The following CAPN13 variants were observed in gnomAD, a reference collection of about 807,000 sequenced individuals.
CAPN13 encodes calpain 13.
In CAPN13, 90 loss-of-function variants were observed where a neutral mutation model predicts 98.4. The ratio of observed to expected loss-of-function variants is 0.92; its 90% CI spans 0.77 to 1.09. The LOEUF (loss-of-function observed/expected upper bound fraction) is 1.09, where lower values mean the gene tolerates loss of function less well. CAPN13 is among the 50% of genes least tolerant of loss of function. The probability of loss-of-function intolerance (pLI) is 0.00; values close to 1 mark genes in which losing one functional copy is unlikely to be tolerated. For missense variants in CAPN13, 887 were observed against 841.3 expected (o/e 1.05, Z -0.67); for synonymous variants, 330 against 305.5 (o/e 1.08, Z -0.84).
chr2:30,726,385 A>G (rs9309684), intron 22 of CAPN13, among the ~76,000 whole-genome samples: 66,290 of 152,034 alleles, frequency 0.44, 14,619 homozygotes, highest in East Asian at 0.65. Flanking sequence ...GGTTCTAGCC[A>G]GACAATTAGG....
intron 1 of CAPN13, among the ~76,000 whole-genome samples, chr2:30,790,805 T>C (rs778185990): frequency 1.9e-4 from 29 of 152,124 alleles, no homozygotes; most frequent in Non-Finnish European, 3.8e-4. Context: ...CATAAATGGG[T>C]TAACAACAGG....
At chr2:30,806,555 G>C (rs1675641419) in intron 1 of CAPN13, among the ~76,000 whole-genome samples, 1 of 152,178 alleles carries the variant, frequency 6.6e-6, no homozygotes, top group East Asian at 1.9e-4. Flanking sequence ...GGACAAATGG[G>C]ACAGTCAGTA....
intron 2 of CAPN13, among the ~76,000 whole-genome samples, chr2:30,779,248 A>G (rs935689634): frequency 6.6e-6 from 1 of 152,262 alleles, no homozygotes; most frequent in African/African-American, 2.4e-5. Context: ...AAGCCCATTC[A>G]GACAGACCTG....
chr2:30,755,513 C>A (rs1192510487), intron 8 of CAPN13, among the ~76,000 whole-genome samples: 1 of 152,066 alleles, frequency 6.6e-6, no homozygotes, highest in Non-Finnish European at 1.5e-5. Context: ...TTCGTTGGAA[C>A]GATGTGTTCC....
At chr2:30,770,264 A>G (rs1431619755) in intron 5 of CAPN13, 49 bp downstream of exon 5, 1 of 1,598,496 alleles carries the variant, frequency 6.3e-7, no homozygotes, top group South Asian at 1.1e-5. Context: ...CCGGGTAGGC[A>G]GGACCAGCAC....
At position 30,763,101 on chromosome 2, in the gene CAPN13, G is replaced by A. The variant is rs1672928542; in HGVS notation, c.755C>T (p.Thr252Ile). 6.2e-7 allele frequency: 1 copy of A among 1,610,658 alleles called. No individual in the cohort carries two copies. Among genetic ancestry groups the A allele is most frequent in the Non-Finnish European group, 8.5e-7 (1 of 1,178,604 alleles). ...ENGLVSLHAYTVTGAEQIQYR... is the reference protein window; with the variant it reads ...ENGLVSLHAYIVTGAEQIQYR... ...CCTTACCTGCTCAGCCCCAGTCACAGTGTAGGCATGGAGACTCACCAGCCC... is the reference window on the plus strand; with the variant it reads ...CCTTACCTGCTCAGCCCCAGTCACAATGTAGGCATGGAGACTCACCAGCCC... The change falls in exon 7 of 23, where the codon ACT (threonine) becomes ATT (isoleucine). Residue 252 changes from threonine (T) to isoleucine (I), a missense_variant. Thr to Ile is a moderately conservative substitution (Grantham distance 89). Transcript: ENST00000295055.
At chr2:30,763,845 C>A (rs114375829) in intron 6 of CAPN13, among the ~76,000 whole-genome samples, 542 of 152,328 alleles carry the variant, frequency 3.6e-3, no homozygotes, top group Non-Finnish European at 6.5e-3. Context: ...CAGGCTCTGG[C>A]GCAGCAGCAT....
At chr2:30,750,421 A>C in intron 11 of CAPN13, among the ~76,000 whole-genome samples, 1 of 152,114 alleles carries the variant, frequency 6.6e-6, no homozygotes, top group East Asian at 1.9e-4. Flanking sequence ...ATGTTTACCT[A>C]TGTAAGAAAC....
At chr2:30,747,282 C>T (rs1335389462) in intron 11 of CAPN13, among the ~76,000 whole-genome samples, 7 of 152,152 alleles carry the variant, frequency 4.6e-5, no homozygotes, top group African/African-American at 1.7e-4. Flanking sequence ...GAAACTGAGG[C>T]TCAGCAGTTT....
intron 7 of CAPN13, among the ~76,000 whole-genome samples, chr2:30,761,798 G>T (rs796388441): frequency 4.6e-5 from 7 of 152,272 alleles, no homozygotes; most frequent in African/African-American, 1.7e-4. Context: ...TTGGGACACC[G>T]ATCAAACCAT....
chr2:30,753,697 A>G (rs1244435603), intron 9 of CAPN13, among the ~76,000 whole-genome samples: 7 of 152,164 alleles, frequency 4.6e-5, no homozygotes, highest in African/African-American at 1.7e-4. Context: ...CTGATTCTTA[A>G]TTATTTAGAT....
chr2:30,745,689 A>G (rs368841104), intron 12 of CAPN13, 34 bp downstream of exon 12: 43 of 1,595,420 alleles, frequency 2.7e-5, no homozygotes, highest in Non-Finnish European at 3.3e-5. Context: ...AGACAGCAGC[A>G]GAGGCGCAGG....
chr2:30,779,967 A>G (rs1182746414), intron 2 of CAPN13, among the ~76,000 whole-genome samples: 1 of 152,180 alleles, frequency 6.6e-6, no homozygotes, highest in East Asian at 1.9e-4. Context: ...CCCAAATAAA[A>G]GTAGAATTAA....
intron 8 of CAPN13, among the ~76,000 whole-genome samples, chr2:30,757,790 G>T (rs747035764): frequency 2.0e-5 from 3 of 152,212 alleles, no homozygotes; most frequent in Admixed American, 6.5e-5. Flanking sequence ...ACTGGGTCTT[G>T]TCATCCATAT....
intron 2 of CAPN13, among the ~76,000 whole-genome samples, chr2:30,782,826 C>A (rs979110484): frequency 1.3e-5 from 2 of 152,202 alleles, no homozygotes; most frequent in South Asian, 2.1e-4. Flanking sequence ...TGTTGTGAAG[C>A]TCTACTGTCT....
Position 30,770,451 on chromosome 2 carries a change from TG to T in CAPN13, c.388-3del. The stretch of plus-strand genomic sequence containing the variant: ...CACCCACTGGCCACATTGCCAGAAC[TG>T]GAAGAGAGCCAAGCATATGCTTTGA... On this transcript the variant is annotated splice_polypyrimidine_tract_variant and splice_region_variant and intron_variant, in intron 4 of 22. Coordinates refer to ENST00000295055, the MANE Select transcript of CAPN13 (RefSeq NM_144575.3). The T allele has an allele frequency of 6.2e-7, 1 of 1,613,738 alleles. No individual in the cohort carries two copies. The highest frequency in any genetic ancestry group is 1.1e-5 in the South Asian group (1 of 91,040).
intron 1 of CAPN13, among the ~76,000 whole-genome samples, chr2:30,800,247 T>C (rs1280185224): frequency 6.6e-6 from 1 of 152,164 alleles, no homozygotes; most frequent in Non-Finnish European, 1.5e-5. Flanking sequence ...TAGACCTCTC[T>C]ATTGCCTGCC....
At chr2:30,778,026 C>A (rs1673790381) in intron 2 of CAPN13, among the ~76,000 whole-genome samples, 1 of 152,154 alleles carries the variant, frequency 6.6e-6, no homozygotes, top group African/African-American at 2.4e-5. Context: ...TAATAAAGTA[C>A]TATAACTTTC....
At position 30,745,894 on chromosome 2, in the gene CAPN13, A is replaced by ATTTTT. The variant is rs57880021; in HGVS notation, c.1237-165_1237-161dup. Among the ~76,000 whole-genome samples, 110 of 92,764 alleles carry ATTTTT rather than the reference A, an allele frequency of 1.2e-3. 2 individuals are homozygous for ATTTTT. Among genetic ancestry groups the ATTTTT allele is most frequent in the Non-Finnish European group, 1.4e-3 (69 of 49,726 alleles). The allele number at this position is 92,764 out of a possible 152,430, so 60.9% of individuals were successfully genotyped here. A position where few individuals can be genotyped will look rare whatever the true frequency, so the allele number is the denominator to read the frequency against. Reference sequence around the variant, plus strand: ...TTTTATATCTGTTATGCCATAAAGCATTTTTTTTTTTTTTTTTTTTTTTTG... The same window carrying ATTTTT: ...TTTTATATCTGTTATGCCATAAAGCATTTTTTTTTTTTTTTTTTTTTTTTTTTTTG... On this transcript the variant is annotated intron_variant, in intron 11 of 22. Coordinates refer to ENST00000295055, the MANE Select transcript of CAPN13 (RefSeq NM_144575.3).
Sources: allele counts gnomAD v4.1 joint callset (sites outside exome capture counted in the v4.1 genomes callset), GRCh38; gene constraint gnomAD v4.1.1; transcripts MANE v1.5; gene names NCBI Gene and HGNC (gene_info 2026-07-23, HGNC 2026-07-21).